GSG1L: variants seen among roughly 807,000 people sequenced by gnomAD.
GSG1L encodes the protein germ cell-specific gene 1-like protein.
Under a neutral mutation model 42.1 loss-of-function variants are expected in GSG1L, and 24 were observed. The ratio of observed to expected loss-of-function variants is 0.57; its 90% CI spans 0.41 to 0.80. The LOEUF is 0.80. Ranked by LOEUF, GSG1L falls within the 30% of genes least tolerant of loss-of-function variation. The pLI, the probability that GSG1L is intolerant of heterozygous loss-of-function variation, is 0.00. For synonymous variants in GSG1L, 215 were observed against 203.5 expected (o/e 1.06, Z -0.48); for missense variants, 445 against 472.2 (o/e 0.94, Z 0.53).
At chr16:27,888,967 G>C (rs2084090940) in intron 2 of GSG1L, among the ~76,000 whole-genome samples, 1 of 140,122 alleles carries the variant, frequency 7.1e-6, no homozygotes, top group African/African-American at 2.7e-5. Context: ...TATAGATATA[G>C]ATATAGATAG....
At chr16:27,801,279 G>A (rs763757614) in intron 6 of GSG1L, among the ~76,000 whole-genome samples, 2 of 152,160 alleles carry the variant, frequency 1.3e-5, no homozygotes, top group Non-Finnish European at 2.9e-5. Context: ...TTTTATTGCC[G>A]AGTGAACCAG....
intron 2 of GSG1L, among the ~76,000 whole-genome samples, chr16:27,946,581 G>GAAAGAAAGAAAGAA (rs773842749): frequency 7.3e-5 from 2 of 27,408 alleles, no homozygotes; most frequent in Non-Finnish European, 1.3e-4. Flanking sequence ...AAGAAAGAAA[G>GAAAGAAAGAAAGAA]AGAGAGAGAG....
intron 2 of GSG1L, among the ~76,000 whole-genome samples, chr16:27,921,535 A>C (rs765366498): frequency 5.3e-5 from 8 of 152,232 alleles, no homozygotes; most frequent in African/African-American, 1.7e-4. Flanking sequence ...CCCCAGGTAC[A>C]TGAATTTCCC....
intron 1 of GSG1L, among the ~76,000 whole-genome samples, chr16:28,043,820 G>A (rs754701453): frequency 4.0e-5 from 6 of 151,264 alleles, no homozygotes; most frequent in African/African-American, 9.7e-5. Flanking sequence ...CCAGGAGTTC[G>A]AGACCAGCCT....
chr16:28,017,305 A>G (rs1192403947), intron 1 of GSG1L, among the ~76,000 whole-genome samples: 1 of 152,252 alleles, frequency 6.6e-6, no homozygotes, highest in East Asian at 1.9e-4. Flanking sequence ...GACATTCGGA[A>G]CAGAACATAC....
chr16:27,820,370 AAG>A (rs1415775203), intron 5 of GSG1L, among the ~76,000 whole-genome samples: 1 of 152,054 alleles, frequency 6.6e-6, no homozygotes, highest in African/African-American at 2.4e-5. Context: ...GTGGGAGCCG[AAG>A]AGAGAGCAAT....
At chr16:28,026,710 C>T (rs760807597) in intron 1 of GSG1L, among the ~76,000 whole-genome samples, 17 of 152,180 alleles carry the variant, frequency 1.1e-4, no homozygotes, top group Non-Finnish European at 1.6e-4. Flanking sequence ...GGCAGAGCCT[C>T]GCTGTGCTCA....
chr16:27,970,214 G>A (rs951526889), intron 1 of GSG1L, among the ~76,000 whole-genome samples: 5 of 152,112 alleles, frequency 3.3e-5, no homozygotes, highest in Non-Finnish European at 7.4e-5. Flanking sequence ...TTTTAATGAT[G>A]CCCAATTTGT....
chr16:27,885,531 C>A (rs2084017206), intron 2 of GSG1L, among the ~76,000 whole-genome samples: 1 of 152,202 alleles, frequency 6.6e-6, no homozygotes, highest in Admixed American at 6.5e-5. Context: ...TGCCCTGTAT[C>A]CTACCCCACA....
chr16:27,912,963 A>G (rs114623901), intron 2 of GSG1L, among the ~76,000 whole-genome samples: 47 of 152,166 alleles, frequency 3.1e-4, no homozygotes, highest in African/African-American at 1.0e-3. Flanking sequence ...ACATGGCAGA[A>G]TCTTTATTTT....
Position 27,844,999 on chromosome 16 carries a change from C to G in GSG1L, c.613G>C (p.Gly205Arg). ...TQVFQVTVSL[G>R]PEDWRPHSWD... ...GAATGGGGTCTCCAGTCCTCAGGACCGAGGCTCACGGTGACCTGGAACACC... is the reference window on the plus strand; with the variant it reads ...GAATGGGGTCTCCAGTCCTCAGGACGGAGGCTCACGGTGACCTGGAACACC... Residue 205 changes from glycine (G) to arginine (R), a missense_variant, in exon 4 of 7, where the codon GGT becomes CGT. Coordinates refer to ENST00000447459, the MANE Select transcript of GSG1L (RefSeq NM_001109763.2). The G allele has an allele frequency of 6.2e-7, 1 of 1,613,848 alleles. No homozygotes were observed. The highest frequency in any genetic ancestry group is 8.5e-7 in the Non-Finnish European group (1 of 1,179,866).
intron 2 of GSG1L, among the ~76,000 whole-genome samples, chr16:27,919,863 T>A (rs1028997185): frequency 6.6e-6 from 1 of 152,224 alleles, no homozygotes; most frequent in Non-Finnish European, 1.5e-5. Flanking sequence ...AAAACCCATA[T>A]CTTTCAATGC....
intron 2 of GSG1L, among the ~76,000 whole-genome samples, chr16:27,885,219 G>T (rs532309546): frequency 6.6e-6 from 1 of 152,066 alleles, no homozygotes; most frequent in Non-Finnish European, 1.5e-5. Flanking sequence ...GTGCAATCAC[G>T]GTTCACTGCA....
At chr16:27,942,561 A>G (rs888737296) in intron 2 of GSG1L, among the ~76,000 whole-genome samples, 5 of 152,252 alleles carry the variant, frequency 3.3e-5, no homozygotes, top group Non-Finnish European at 7.3e-5. Context: ...AAAGACTCCT[A>G]TAAATCGGTA....
In GSG1L at chr16:27,935,941, C is replaced by T. The variant is rs991402605; in HGVS notation, c.397+27215G>A. Among the ~76,000 whole-genome samples, 8 of 149,818 alleles carry T rather than the reference C, an allele frequency of 5.3e-5. No individual in the cohort carries two copies. In the Admixed American group the frequency reaches 5.4e-4, roughly 10 times the overall value. On this transcript the variant is annotated intron_variant, in intron 2 of 6. Transcript: ENST00000447459. ...TGCTGCCTGGTGAACCCTTGCCTAG[C>T]AACCCGATCCGTATCTCAAGTGAGG...
intron 1 of GSG1L, among the ~76,000 whole-genome samples, chr16:28,012,573 G>T (rs1362934406): frequency 9.1e-6 from 1 of 109,966 alleles, no homozygotes; most frequent in South Asian, 3.9e-4. Flanking sequence ...GACCTGAAAT[G>T]AAATTTTATA....
intron 1 of GSG1L, among the ~76,000 whole-genome samples, chr16:27,979,544 G>T (rs2085289098): frequency 1.4e-5 from 2 of 140,400 alleles, no homozygotes; most frequent in African/African-American, 2.7e-5. Flanking sequence ...ACTCCAGCCT[G>T]GGCGACAGAG....
intron 5 of GSG1L, 49 bp from the exon 6 acceptor site, chr16:27,807,603 G>A: frequency 6.5e-7 from 1 of 1,527,414 alleles, no homozygotes; most frequent in East Asian, 2.3e-5. Context: ...GAAAGAGAAG[G>A]ATGAGTGGGC....
intron 1 of GSG1L, among the ~76,000 whole-genome samples, chr16:27,997,615 T>C (rs1185567001): frequency 6.6e-6 from 1 of 151,940 alleles, no homozygotes; most frequent in East Asian, 1.9e-4. Context: ...CAGTCACGGG[T>C]TGGGTTACAA....
Sources: gnomAD v4.1 joint callset for allele counts (sites outside exome capture counted in the v4.1 genomes callset) on GRCh38, gnomAD v4.1.1 for gene constraint, MANE v1.5 for transcripts, NCBI Gene and HGNC (gene_info 2026-07-23, HGNC 2026-07-21) for gene names.